CD96: variants seen among roughly 807,000 people sequenced by gnomAD.
CD96 encodes the protein CD96 molecule.
Under a neutral mutation model 71.3 loss-of-function variants are expected in CD96, and 70 were observed. The observed-to-expected ratio is 0.98, with a 90% CI of 0.81 to 1.20. The LOEUF (loss-of-function observed/expected upper bound fraction) is 1.20, where lower values mean the gene tolerates loss of function less well. Among genes scored for constraint, CD96 ranks in the 50% most tolerant of loss-of-function variants. CD96 has a pLI of 0.00. For synonymous variants in CD96, 248 were observed against 233.0 expected (o/e 1.06, Z -0.59); for missense variants, 742 against 677.5 (o/e 1.10, Z -1.06).
At chr3:111,657,824 G>A (rs1940270376) in intron 14 of CD96, among the ~76,000 whole-genome samples, 1 of 152,088 alleles carries the variant, frequency 6.6e-6, no homozygotes, top group South Asian at 2.1e-4. Flanking sequence ...ATGAAGGTTA[G>A]TGTCCTTCCC....
downstream of CD96, chr3:111,665,851 C>A (rs1039316430): frequency 6.6e-6 from 1 of 152,304 alleles, no homozygotes; most frequent in Non-Finnish European, 1.5e-5. Flanking sequence ...CTACTTGGGG[C>A]TCCCCACACA....
rs539698380 is a variant in CD96 at position 111,658,575 on chromosome 3, T to C, written c.*53-6952T>C. On this transcript the variant is annotated intron_variant and NMD_transcript_variant, in intron 14 of 14. Coordinates refer to the CD96 transcript ENST00000494798. ...CTAAGTGCCTCCCTGTAAAATCTTA[T>C]TGGTTACACAGGAGAAACAGAAACA... Among the ~76,000 whole-genome samples the C allele has an allele frequency of 5.1e-4, 77 of 152,338 alleles. 1 individual carries two copies. The highest frequency in any genetic ancestry group is 1.8e-3 in the African/African-American group (76 of 41,574).
In CD96 at chr3:111,547,894, A is replaced by T. The variant is rs558357621; in HGVS notation, c.418+2492A>T. On this transcript the variant is annotated intron_variant, in intron 2 of 13. Coordinates refer to ENST00000352690, the MANE Select transcript of CD96 (RefSeq NM_005816.5). ...CATCCTTCACCACAGAGTGACCACA[A>T]ATGTAAGCCTGGTACGGAGCTACAG... Among the ~76,000 whole-genome samples, 5 of 152,296 alleles carry T rather than the reference A, an allele frequency of 3.3e-5. No homozygotes were observed. The South Asian group carries it at 1.0e-3, about 32-fold the overall frequency.
At chr3:111,614,847 TC>T (rs1218955359) in intron 8 of CD96, among the ~76,000 whole-genome samples, 1 of 151,964 alleles carries the variant, frequency 6.6e-6, no homozygotes, top group Non-Finnish European at 1.5e-5. Context: ...TGAGTATTTC[TC>T]TCAGATCCAC....
intron 8 of CD96, among the ~76,000 whole-genome samples, chr3:111,621,659 C>G (rs974231238): frequency 6.6e-6 from 1 of 152,174 alleles, no homozygotes; most frequent in Admixed American, 6.5e-5. Flanking sequence ...AATGGTATAA[C>G]AAGGCAGTTG....
chr3:111,647,764 T>A, intron 13 of CD96, 98 bp downstream of exon 13: 1 of 879,398 alleles, frequency 1.1e-6, no homozygotes, highest in Non-Finnish European at 1.8e-6. Flanking sequence ...TCCTCCCATA[T>A]TTTAATGGGG....
At chr3:111,655,422 C>T (rs1940205675), downstream of CD96, among the ~76,000 whole-genome samples, 1 of 151,962 alleles carries the variant, frequency 6.6e-6, no homozygotes, top group African/African-American at 2.4e-5. Flanking sequence ...ATATACAGTA[C>T]AGTGTTACAG....
exon 15 of CD96, chr3:111,665,559 A>G (rs1395009427): frequency 6.6e-6 from 1 of 151,996 alleles, no homozygotes; most frequent in Non-Finnish European, 1.5e-5. Flanking sequence ...ACTTCAATCA[A>G]TTTTCCTTTC....
chr3:111,585,642 C>A (rs146580873), intron 5 of CD96, among the ~76,000 whole-genome samples: 1 of 152,128 alleles, frequency 6.6e-6, no homozygotes, highest in African/African-American at 2.4e-5. Context: ...TTTGTTTAAA[C>A]TTCTCTTTTA....
chr3:111,556,392 C>T (rs1257346549), intron 2 of CD96, among the ~76,000 whole-genome samples: 2 of 115,132 alleles, frequency 1.7e-5, no homozygotes, highest in Non-Finnish European at 3.4e-5. Flanking sequence ...GTGTGATATT[C>T]CCCTTCCTGT....
chr3:111,571,094 C>G, intron 3 of CD96: 1 of 791,004 alleles, frequency 1.3e-6, no homozygotes, highest in East Asian at 2.4e-5. Flanking sequence ...GACTAAGACC[C>G]GGGCATCCCT....
intron 7 of CD96, among the ~76,000 whole-genome samples, chr3:111,603,818 T>A (rs1559750927): frequency 2.6e-5 from 4 of 152,300 alleles, no homozygotes; most frequent in Admixed American, 2.0e-4. Flanking sequence ...ATCTTAATAG[T>A]GGAACAGGAG....
chr3:111,544,138 T>G (rs996398862), intron 1 of CD96, among the ~76,000 whole-genome samples: 1 of 151,780 alleles, frequency 6.6e-6, no homozygotes, highest in Non-Finnish European at 1.5e-5. Context: ...TGACTTTTTT[T>G]GTTTTGTTTC....
chr3:111,593,433 T>C, intron 5 of CD96: 2 of 1,369,750 alleles, frequency 1.5e-6, no homozygotes, highest in Non-Finnish European at 1.9e-6. Context: ...CTATTTCACA[T>C]AAAAGCAAAA....
At chr3:111,585,675 G>A (rs1936680634) in intron 5 of CD96, among the ~76,000 whole-genome samples, 1 of 152,178 alleles carries the variant, frequency 6.6e-6, no homozygotes, top group Non-Finnish European at 1.5e-5. Context: ...TGGATAGTGA[G>A]GACAAAGTAG....
intron 10 of CD96, chr3:111,634,659 G>T (rs1939237616): frequency 6.6e-6 from 1 of 152,180 alleles, no homozygotes; most frequent in Non-Finnish European, 1.5e-5. Flanking sequence ...CACTTTGGGA[G>T]GCTGAGTCAG....
intron 1 of CD96, among the ~76,000 whole-genome samples, chr3:111,544,335 G>T (rs1394263172): frequency 6.6e-6 from 1 of 152,034 alleles, no homozygotes; most frequent in Non-Finnish European, 1.5e-5. Flanking sequence ...AGTAGAGACG[G>T]GGTTTTGCCG....
chr3:111,606,913 G>T, intron 8 of CD96, 121 bp downstream of exon 8: 1 of 730,560 alleles, frequency 1.4e-6, no homozygotes, highest in East Asian at 2.6e-5. Context: ...GGCTGAAATT[G>T]GGTTTTATTT....
chr3:111,596,804 G>T (rs899460207), intron 5 of CD96, among the ~76,000 whole-genome samples: 2 of 152,112 alleles, frequency 1.3e-5, no homozygotes, highest in African/African-American at 4.8e-5. Flanking sequence ...GGAGAGACTA[G>T]CATCCCTGGC....
Sources: allele counts gnomAD v4.1 joint callset (sites outside exome capture counted in the v4.1 genomes callset), GRCh38; gene constraint gnomAD v4.1.1; transcripts MANE v1.5; gene names NCBI Gene and HGNC (gene_info 2026-07-23, HGNC 2026-07-21).